The following SUFU variants were observed in gnomAD, a reference collection of about 807,000 sequenced individuals.
The protein encoded by SUFU is suppressor of fused homolog.
A neutral mutation model predicts 58.9 loss-of-function variants in SUFU; 7 were observed. That is an observed-to-expected ratio of 0.12 (90% CI 0.07 to 0.22). The LOEUF (loss-of-function observed/expected upper bound fraction) is 0.22. SUFU is among the 10% of genes least tolerant of loss of function. The probability of loss-of-function intolerance (pLI) is 1.00; values close to 1 mark genes in which losing one functional copy is unlikely to be tolerated. For missense variants in SUFU, 451 were observed against 641.3 expected (o/e 0.70, Z 3.20); for synonymous variants, 232 against 254.8 (o/e 0.91, Z 0.85).
chr10:102,630,013 G>C, intron 11 of SUFU, 53 bp from the exon 12 acceptor site: 2 of 1,527,922 alleles, frequency 1.3e-6, no homozygotes, highest in Non-Finnish European at 1.8e-6. Flanking sequence ...GAAAGACCAC[G>C]GTGTATTCTG....
At chr10:102,592,502 G>A in intron 3 of SUFU, 80 bp from the exon 4 acceptor site, 2 of 1,573,184 alleles carry the variant, frequency 1.3e-6, no homozygotes, top group Non-Finnish European at 1.7e-6. Context: ...CTCCCAGCCT[G>A]GGCTAGTGAG....
intron 8 of SUFU, among the ~76,000 whole-genome samples, chr10:102,612,294 T>C (rs531602068): frequency 7.2e-5 from 11 of 152,220 alleles, no homozygotes; most frequent in Non-Finnish European, 1.5e-4. Context: ...GGACTGCAAA[T>C]CTTGCATTTT....
chr10:102,575,098 T>A (rs990960424), intron 3 of SUFU, among the ~76,000 whole-genome samples: 2 of 151,832 alleles, frequency 1.3e-5, no homozygotes, highest in African/African-American at 4.8e-5. Flanking sequence ...CCTGTAGTCT[T>A]AGCTACTCGG....
At chr10:102,566,437 G>A (rs955758636) in intron 3 of SUFU, among the ~76,000 whole-genome samples, 1 of 151,996 alleles carries the variant, frequency 6.6e-6, no homozygotes, top group Non-Finnish European at 1.5e-5. Context: ...CGAGACCAGC[G>A]GGGCCAACAT....
intron 3 of SUFU, among the ~76,000 whole-genome samples, chr10:102,578,413 A>C (rs2063237244): frequency 6.6e-6 from 1 of 152,054 alleles, no homozygotes; most frequent in South Asian, 2.1e-4. Flanking sequence ...CCCCATCTCT[A>C]CTAAAAATAC....
chr10:102,511,159 A>G (rs1312144226), intron 2 of SUFU, among the ~76,000 whole-genome samples: 1 of 150,446 alleles, frequency 6.6e-6, no homozygotes, highest in Non-Finnish European at 1.5e-5. Flanking sequence ...AATAATAATA[A>G]TGAAAATAAA....
chr10:102,540,965 T>G (rs2062792357), intron 2 of SUFU, among the ~76,000 whole-genome samples: 1 of 151,936 alleles, frequency 6.6e-6, no homozygotes, highest in African/African-American at 2.4e-5. Flanking sequence ...GAGGTTGCAG[T>G]GATCAGAGAT....
intron 2 of SUFU, among the ~76,000 whole-genome samples, chr10:102,519,527 CA>C (rs35007507): frequency 6.6e-4 from 84 of 127,382 alleles, no homozygotes; most frequent in East Asian, 1.5e-3. Context: ...AACTCTGTCT[CA>C]AAAAAAAAAA....
chr10:102,560,134 C>T (rs2063020923), intron 3 of SUFU, among the ~76,000 whole-genome samples: 1 of 152,176 alleles, frequency 6.6e-6, no homozygotes, highest in Non-Finnish European at 1.5e-5. Flanking sequence ...AAAAGAAATA[C>T]TTGCTCATTA....
intron 3 of SUFU, among the ~76,000 whole-genome samples, chr10:102,565,434 T>C (rs1289032025): frequency 6.6e-6 from 1 of 152,170 alleles, no homozygotes; most frequent in Admixed American, 6.5e-5. Context: ...GGGGTATGCA[T>C]CTCCTGCTGT....
chr10:102,524,837 T>C (rs1005392660), intron 2 of SUFU, among the ~76,000 whole-genome samples: 2 of 152,220 alleles, frequency 1.3e-5, no homozygotes, highest in African/African-American at 4.8e-5. Flanking sequence ...TAAATATTTG[T>C]TGAACAAATG....
chr10:102,595,993 C>T (rs1274194621), intron 6 of SUFU, among the ~76,000 whole-genome samples: 1 of 152,190 alleles, frequency 6.6e-6, no homozygotes, highest in Non-Finnish European at 1.5e-5. Context: ...CAGACTATCC[C>T]CTGAGCACAC....
chr10:102,594,491 G>A (rs1019940742), intron 6 of SUFU, among the ~76,000 whole-genome samples: 8 of 152,200 alleles, frequency 5.3e-5, no homozygotes, highest in African/African-American at 1.9e-4. Context: ...TCAGCTGCAG[G>A]AGTGAGGGCT....
chr10:102,536,048 A>C (rs561081446), intron 2 of SUFU, among the ~76,000 whole-genome samples: 1 of 152,122 alleles, frequency 6.6e-6, no homozygotes, highest in Non-Finnish European at 1.5e-5. Flanking sequence ...AGCTCACTAG[A>C]GCCTCTGTTT....
chr10:102,615,050 A>T (rs1456847240), intron 8 of SUFU, among the ~76,000 whole-genome samples: 1 of 151,816 alleles, frequency 6.6e-6, no homozygotes, highest in African/African-American at 2.4e-5. Context: ...GGTGGCAGCC[A>T]CCTCTTGGGG....
intron 3 of SUFU, among the ~76,000 whole-genome samples, chr10:102,570,126 T>G (rs778905415): frequency 5.3e-5 from 8 of 152,114 alleles, no homozygotes; most frequent in Non-Finnish European, 1.2e-4. Context: ...TCCCTGAAGT[T>G]TTCCTAGTCG....
chr10:102,539,732 T>A (rs1181777613), intron 2 of SUFU, among the ~76,000 whole-genome samples: 1 of 152,206 alleles, frequency 6.6e-6, no homozygotes, highest in African/African-American at 2.4e-5. Context: ...ATTCATTTAT[T>A]TATATCAATG....
At chr10:102,605,996 A>C (rs1590073282) in intron 8 of SUFU, among the ~76,000 whole-genome samples, 1 of 152,244 alleles carries the variant, frequency 6.6e-6, no homozygotes, top group Non-Finnish European at 1.5e-5. Context: ...TCTCCTTTCC[A>C]CCCATGCTGC....
Position 102,580,506 on chromosome 10 carries a change from G to T in SUFU, c.455-12076G>T, listed in dbSNP as rs558133007. ...CTTTGGCTTGGGGAGGGGGTATGGA[G>T]CCGGGTAGGCAGGGAAGTGGAGGGA... On this transcript the variant is annotated intron_variant, in intron 3 of 11. Transcript: ENST00000369902. 1.1e-4 allele frequency among the ~76,000 whole-genome samples: 16 copies of T among 152,232 alleles called. 2 individuals carry two copies. Among genetic ancestry groups the T allele is most frequent in the African/African-American group, 3.9e-4 (16 of 41,526 alleles).
Sources: gnomAD v4.1 joint callset for allele counts (sites outside exome capture counted in the v4.1 genomes callset) on GRCh38, gnomAD v4.1.1 for gene constraint, MANE v1.5 for transcripts, NCBI Gene and HGNC (gene_info 2026-07-23, HGNC 2026-07-21) for gene names.